TBC1D22A: variants seen among roughly 807,000 people sequenced by gnomAD.
TBC1D22A encodes the protein putative GTPase activator.
A neutral mutation model predicts 60.2 loss-of-function variants in TBC1D22A; 38 were observed. The observed-to-expected ratio is 0.63, with a 90% confidence interval of 0.49 to 0.83. The LOEUF (loss-of-function observed/expected upper bound fraction) is 0.83. Among genes scored for constraint, TBC1D22A ranks in the 40% least tolerant of loss-of-function variants. The pLI, the probability that TBC1D22A is intolerant of heterozygous loss-of-function variation, is 0.00. For synonymous variants in TBC1D22A, 302 were observed against 281.7 expected, an observed-to-expected ratio of 1.07 and a Z score of -0.72; for missense variants, 628 against 701.0, an observed-to-expected ratio of 0.90 and a Z score of 1.18.
At chr22:46,847,245 G>C (rs754811495) in intron 4 of TBC1D22A, among the ~76,000 whole-genome samples, 44 of 152,218 alleles carry the variant, frequency 2.9e-4, no homozygotes, top group Non-Finnish European at 5.4e-4. Context: ...TAGTGTAGAA[G>C]AGATTGCCAC....
intron 5 of TBC1D22A, among the ~76,000 whole-genome samples, chr22:46,887,609 T>C (rs2068185735): frequency 6.6e-6 from 1 of 152,136 alleles, no homozygotes; most frequent in Admixed American, 6.5e-5. Flanking sequence ...CGTTATAACA[T>C]GAATTAATTT....
intron 7 of TBC1D22A, among the ~76,000 whole-genome samples, chr22:46,902,567 G>A (rs1392533964): frequency 6.6e-6 from 1 of 152,200 alleles, no homozygotes; most frequent in South Asian, 2.1e-4. Context: ...CCACTTAAGC[G>A]ACAGCTCACT....
intron 1 of TBC1D22A, among the ~76,000 whole-genome samples, chr22:46,778,493 C>T (rs2083796871): frequency 6.6e-6 from 1 of 151,890 alleles, no homozygotes; most frequent in Non-Finnish European, 1.5e-5. Context: ...AAAACTAAGA[C>T]ACAGACACAC....
chr22:46,774,025 A>G, intron 1 of TBC1D22A: 1 of 985,482 alleles, frequency 1.0e-6, no homozygotes, highest in Non-Finnish European at 1.2e-6. Flanking sequence ...AAGCTGACTC[A>G]CTCACCAGGA....
chr22:46,991,537 G>A (rs1306145857), intron 9 of TBC1D22A, among the ~76,000 whole-genome samples: 1 of 152,242 alleles, frequency 6.6e-6, no homozygotes, highest in Non-Finnish European at 1.5e-5. Context: ...GCAGAAGGCA[G>A]TGTGGACAGT....
At chr22:46,940,325 A>G (rs1019831951) in intron 8 of TBC1D22A, among the ~76,000 whole-genome samples, 4 of 152,154 alleles carry the variant, frequency 2.6e-5, no homozygotes, top group Admixed American at 6.5e-5. Flanking sequence ...GCACAATACA[A>G]CAACGTGCAT....
At chr22:47,012,342 G>A (rs1473642989) in intron 10 of TBC1D22A, among the ~76,000 whole-genome samples, 1 of 152,114 alleles carries the variant, frequency 6.6e-6, no homozygotes, top group Non-Finnish European at 1.5e-5. Context: ...CTGCCCCTGA[G>A]CCATTAAAAC....
At chr22:47,057,287 C>G (rs769107664) in intron 11 of TBC1D22A, among the ~76,000 whole-genome samples, 1 of 152,236 alleles carries the variant, frequency 6.6e-6, no homozygotes, top group Non-Finnish European at 1.5e-5. Context: ...CCAAGCTCCT[C>G]CTTCCACGGG....
chr22:46,812,423 A>G lies in TBC1D22A; in HGVS notation c.637+14803A>G, dbSNP rs150991426. Among the ~76,000 whole-genome samples the G allele has an allele frequency of 7.6e-3, 1,151 of 152,318 alleles. 9 individuals carry two copies. The highest frequency in any genetic ancestry group is 0.051 in the Middle Eastern group (15 of 294). The stretch of plus-strand genomic sequence containing the variant: ...GGAGCACCCATGAATCATGGGGATC[A>G]CAGTGGCCCAGATGTGAGGCTGGCA... On this transcript the variant is annotated intron_variant, in intron 4 of 12. Coordinates refer to ENST00000337137, the MANE Select transcript of TBC1D22A (RefSeq NM_014346.5).
chr22:46,916,116 T>C (rs1048152988), intron 8 of TBC1D22A: 15 of 424,052 alleles, frequency 3.5e-5, no homozygotes, highest in African/African-American at 1.0e-4. Flanking sequence ...TATGATTTCA[T>C]AGGAGGTTGT....
chr22:46,900,787 AC>A (rs1320036996), intron 7 of TBC1D22A, among the ~76,000 whole-genome samples: 1 of 152,182 alleles, frequency 6.6e-6, no homozygotes, highest in Non-Finnish European at 1.5e-5. Context: ...CTGTCTGTGC[AC>A]CCGTTGACGG....
At chr22:46,820,365 G>C (rs1382524320) in intron 4 of TBC1D22A, among the ~76,000 whole-genome samples, 1 of 152,112 alleles carries the variant, frequency 6.6e-6, no homozygotes, top group Non-Finnish European at 1.5e-5. Flanking sequence ...TCTAATGTGG[G>C]CATTTAGTGC....
intron 4 of TBC1D22A, among the ~76,000 whole-genome samples, chr22:46,858,588 A>G (rs1031728294): frequency 6.6e-5 from 10 of 152,352 alleles, no homozygotes; most frequent in African/African-American, 2.2e-4. Flanking sequence ...AGGCGCCTGC[A>G]GGCATTTCTG....
At position 47,043,659 on chromosome 22, in the gene TBC1D22A, G is replaced by A. The variant is rs190768817; in HGVS notation, c.1329+6461G>A. Among the ~76,000 whole-genome samples, 65 of 152,246 alleles carry A rather than the reference G, an allele frequency of 4.3e-4. No homozygotes were observed. The East Asian group carries it at 0.012, about 28-fold the overall frequency. ...GGAGACATGTGAGCAGGGTCTGGGG[G>A]CTGAGTTGCAGCTGAACAGGAGGGT... On this transcript the variant is annotated intron_variant, in intron 11 of 12. Transcript: ENST00000337137.
chr22:46,896,649 C>CTGTGT (rs779504870), intron 7 of TBC1D22A, among the ~76,000 whole-genome samples: 3 of 152,136 alleles, frequency 2.0e-5, no homozygotes, highest in African/African-American at 7.2e-5. Context: ...TCATATAGAT[C>CTGTGT]TGTGTTGTGT....
chr22:46,961,039 C>T (rs527353613), intron 8 of TBC1D22A, among the ~76,000 whole-genome samples: 1 of 151,036 alleles, frequency 6.6e-6, no homozygotes, highest in East Asian at 1.9e-4. Context: ...AAACAAAACC[C>T]GTGCCCAGGA....
intron 12 of TBC1D22A, among the ~76,000 whole-genome samples, chr22:47,113,483 T>A (rs1025308501): frequency 1.9e-4 from 29 of 152,246 alleles, no homozygotes; most frequent in Middle Eastern, 3.4e-3. Context: ...CTCAGGCCCA[T>A]GCTAACAACA....
chr22:47,049,552 C>T (rs1021139314), intron 11 of TBC1D22A, among the ~76,000 whole-genome samples: 1 of 152,366 alleles, frequency 6.6e-6, no homozygotes, highest in African/African-American at 2.4e-5. Context: ...AAAACCTCCC[C>T]TTTGAATATA....
chr22:47,074,792 A>T (rs6008033), intron 11 of TBC1D22A, among the ~76,000 whole-genome samples: 72,233 of 152,040 alleles, frequency 0.48, 17,931 homozygotes, highest in African/African-American at 0.59. Flanking sequence ...CCATTGGCCA[A>T]CAGATCAAGT....
Sources: allele counts gnomAD v4.1 joint callset (sites outside exome capture counted in the v4.1 genomes callset), GRCh38; gene constraint gnomAD v4.1.1; transcripts MANE v1.5; gene names NCBI Gene and HGNC (gene_info 2026-07-23, HGNC 2026-07-21).